CPQ: variants seen among roughly 807,000 people sequenced by gnomAD.
CPQ encodes the protein Ser-Met dipeptidase.
CPQ carries 37 observed loss-of-function variants against 45.7 expected under a neutral mutation model. That is an observed-to-expected ratio of 0.81 (90% confidence interval 0.62 to 1.07). CPQ has a LOEUF of 1.07. Among genes scored for constraint, CPQ ranks in the 50% least tolerant of loss-of-function variants. The pLI is 0.00. For synonymous variants in CPQ, 186 were observed against 205.8 expected (o/e 0.90, Z 0.82); for missense variants, 537 against 572.9 (o/e 0.94, Z 0.64).
At chr8:97,118,978 G>T (rs1811645700) in intron 7 of CPQ, among the ~76,000 whole-genome samples, 1 of 152,118 alleles carries the variant, frequency 6.6e-6, no homozygotes, top group African/African-American at 2.4e-5. Flanking sequence ...TTTTGCAACA[G>T]AGACTGTATG....
At chr8:96,966,622 T>C (rs1181453058) in intron 5 of CPQ, among the ~76,000 whole-genome samples, 1 of 152,186 alleles carries the variant, frequency 6.6e-6, no homozygotes, top group Non-Finnish European at 1.5e-5. Flanking sequence ...CAAGTTATGA[T>C]AACAAAAATG....
chr8:96,760,614 T>G lies in CPQ; in HGVS notation c.-34-24250T>G, dbSNP rs529222616. 3.3e-5 allele frequency among the ~76,000 whole-genome samples: 5 copies of G among 152,206 alleles called. No individual in the cohort carries two copies. In the East Asian group the frequency reaches 9.7e-4, roughly 29 times the overall value. ...TTAGACCCTGGTGGTTATAATGCAT[T>G]ATAATCAGTACTCTGGAGCCCTATA... On this transcript the variant is annotated intron_variant, in intron 1 of 7. Transcript: ENST00000220763.
chr8:96,813,192 C>T (rs1248761466), intron 2 of CPQ, among the ~76,000 whole-genome samples: 1 of 152,106 alleles, frequency 6.6e-6, no homozygotes, highest in Non-Finnish European at 1.5e-5. Context: ...ACTCAAGCCT[C>T]AACTCTAGCT....
chr8:96,717,076 T>TATATATATATATATAC (rs1809690915), intron 1 of CPQ, among the ~76,000 whole-genome samples: 2 of 64,124 alleles, frequency 3.1e-5, no homozygotes, highest in African/African-American at 6.4e-5. Context: ...TATATATATA[T>TATATATATATATATAC]ACGTATATAT....
At chr8:97,136,201 A>G (rs534819817) in intron 7 of CPQ, among the ~76,000 whole-genome samples, 17 of 152,266 alleles carry the variant, frequency 1.1e-4, no homozygotes, top group African/African-American at 3.4e-4. Context: ...ATTCATAGAG[A>G]AGGAGCAAGG....
At chr8:96,765,248 G>A (rs1018309947) in intron 1 of CPQ, among the ~76,000 whole-genome samples, 1 of 152,200 alleles carries the variant, frequency 6.6e-6, no homozygotes, top group Non-Finnish European at 1.5e-5. Flanking sequence ...GGAAACAGAC[G>A]TTGGAACAGG....
rs922774886 is a variant in CPQ at position 97,064,163 on chromosome 8, G to A, written c.1054-1846G>A. Among the ~76,000 whole-genome samples the A allele has an allele frequency of 2.0e-5, 3 of 152,076 alleles. No individual in the cohort carries two copies. The East Asian group carries it at 5.8e-4, about 29-fold the overall frequency. ...GCCTGATTTTCTTGTTGGAAGAATG[G>A]GATCTGCCTGCAATATGGAAACCCT... On this transcript the variant is annotated intron_variant, in intron 6 of 7. Transcript: ENST00000220763.
chr8:96,675,791 A>G (rs746057278), intron 1 of CPQ, among the ~76,000 whole-genome samples: 20 of 151,976 alleles, frequency 1.3e-4, no homozygotes, highest in Non-Finnish European at 8.8e-5. Context: ...GCATCTTTTT[A>G]TAAGTTTAAG....
intron 7 of CPQ, among the ~76,000 whole-genome samples, chr8:97,122,927 T>TAAAATAAAATAAAATAAAATA: frequency 2.6e-5 from 1 of 38,886 alleles, no homozygotes; most frequent in Non-Finnish European, 4.0e-5. Flanking sequence ...TAAAATAAAA[T>TAAAATAAAATAAAATAAAATA]AAATAAAATA....
At chr8:96,775,501 C>T (rs1467924989) in intron 1 of CPQ, among the ~76,000 whole-genome samples, 1 of 151,968 alleles carries the variant, frequency 6.6e-6, no homozygotes, top group Admixed American at 6.6e-5. Context: ...TTTCCAGTAC[C>T]ACAGGCAGCA....
intron 1 of CPQ, among the ~76,000 whole-genome samples, chr8:96,658,371 C>G (rs1374014503): frequency 2.6e-5 from 4 of 152,236 alleles, no homozygotes; most frequent in Non-Finnish European, 5.9e-5. Context: ...AATTTGAGGT[C>G]TACCACCATC....
chr8:96,849,200 A>C (rs1045429053), intron 3 of CPQ, among the ~76,000 whole-genome samples: 1 of 152,224 alleles, frequency 6.6e-6, no homozygotes, highest in Non-Finnish European at 1.5e-5. Flanking sequence ...ATATAAAATT[A>C]GAGGTTGTGT....
chr8:97,047,144 A>G (rs778223553), intron 6 of CPQ, among the ~76,000 whole-genome samples: 9 of 152,228 alleles, frequency 5.9e-5, no homozygotes, highest in Non-Finnish European at 1.3e-4. Flanking sequence ...GTGGACATCA[A>G]GTCATTGATG....
intron 5 of CPQ, among the ~76,000 whole-genome samples, chr8:96,982,050 TAAAG>T (rs1813909140): frequency 1.3e-5 from 2 of 152,166 alleles, no homozygotes; most frequent in South Asian, 2.1e-4. Flanking sequence ...CACATGATGT[TAAAG>T]AAAACTGTAG....
chr8:96,724,266 A>G (rs1809804999), intron 1 of CPQ, among the ~76,000 whole-genome samples: 1 of 152,066 alleles, frequency 6.6e-6, no homozygotes, highest in African/African-American at 2.4e-5. Flanking sequence ...ATTGTTGCAT[A>G]TTATAGTCAT....
intron 6 of CPQ, among the ~76,000 whole-genome samples, chr8:97,038,808 C>CA (rs1443996088): frequency 3.1e-5 from 2 of 65,282 alleles, no homozygotes; most frequent in Non-Finnish European, 5.7e-5. Context: ...GGCTGTATTC[C>CA]AAAAAAACCG....
chr8:97,054,247 G>A (rs1810413229), intron 6 of CPQ, among the ~76,000 whole-genome samples: 1 of 152,120 alleles, frequency 6.6e-6, no homozygotes, highest in South Asian at 2.1e-4. Flanking sequence ...CTGGGAGAAT[G>A]GCCATTATTA....
intron 2 of CPQ, among the ~76,000 whole-genome samples, chr8:96,802,990 TACACACACACAC>T (rs71569185): frequency 6.9e-6 from 1 of 143,928 alleles, no homozygotes; most frequent in African/African-American, 2.5e-5. Context: ...AACAGAAGCA[TACACACACACAC>T]ACACACACAC....
chr8:96,933,019 A>G (rs1812994497), intron 4 of CPQ, among the ~76,000 whole-genome samples: 1 of 152,196 alleles, frequency 6.6e-6, no homozygotes, highest in South Asian at 2.1e-4. Context: ...AATTGCCACA[A>G]TAGATTAAAG....
Sources: gnomAD v4.1 joint callset for allele counts (sites outside exome capture counted in the v4.1 genomes callset) on GRCh38, gnomAD v4.1.1 for gene constraint, MANE v1.5 for transcripts, NCBI Gene and HGNC (gene_info 2026-07-23, HGNC 2026-07-21) for gene names.